The following SENP6 variants were observed in gnomAD, a reference collection of about 807,000 sequenced individuals.
SENP6 encodes sentrin-specific protease 6.
Under a neutral mutation model 134.5 loss-of-function variants are expected in SENP6, and 41 were observed. That is an observed-to-expected ratio of 0.30 (90% CI 0.24 to 0.40). SENP6 has a LOEUF of 0.40. SENP6 is among the 10% of genes least tolerant of loss of function. The pLI, the probability that SENP6 is intolerant of heterozygous loss-of-function variation, is 1.00. For synonymous variants in SENP6, 395 were observed against 429.8 expected (o/e 0.92, Z 1.00); for missense variants, 1,248 against 1,312.5 (o/e 0.95, Z 0.76).
At chr6:75,654,192 C>T (rs759150732) in intron 7 of SENP6, among the ~76,000 whole-genome samples, 1 of 152,204 alleles carries the variant, frequency 6.6e-6, no homozygotes, top group Non-Finnish European at 1.5e-5. Flanking sequence ...GCACTGTGAT[C>T]ACGCCTCTGC....
intron 1 of SENP6, chr6:75,620,656 G>A (rs866526578): frequency 2.0e-5 from 3 of 152,226 alleles, no homozygotes; most frequent in South Asian, 2.1e-4. Context: ...TGACCATGGG[G>A]TGGATGTACT....
chr6:75,659,505 A>G (rs1771613499), intron 8 of SENP6, 98 bp downstream of exon 8: 2 of 1,143,046 alleles, frequency 1.7e-6, no homozygotes, highest in Admixed American at 2.9e-5. Context: ...TTATCATAGG[A>G]CCAGAAGAGA....
In SENP6 at chr6:75,652,696, A is replaced by AAAAAAAAAG. The variant is rs796549538; in HGVS notation, c.550+4902_550+4903insAGAAAAAAA. 2.7e-5 allele frequency among the ~76,000 whole-genome samples: 4 copies of AAAAAAAAAG among 148,818 alleles called. No homozygotes were observed. The East Asian group carries it at 8.4e-4, about 31-fold the overall frequency. On this transcript the variant is annotated intron_variant, in intron 7 of 23. Coordinates refer to ENST00000447266, the MANE Select transcript of SENP6 (RefSeq NM_015571.4). Reference sequence around the variant, plus strand: ...TACTAAAAATCTCAAAAAAAAAAAAAAAAAAAAGAAAAAGAAAAAAAATGC... The same window carrying AAAAAAAAAG: ...TACTAAAAATCTCAAAAAAAAAAAAAAAAAAAAAGAAAAAAAGAAAAAGAAAAAAAATGC...
chr6:75,698,932 A>C (rs1232007279), intron 18 of SENP6, among the ~76,000 whole-genome samples: 1 of 151,400 alleles, frequency 6.6e-6, no homozygotes, highest in Admixed American at 6.6e-5. Flanking sequence ...GATCGCCTGA[A>C]CCCGGGAGGC....
intron 3 of SENP6, among the ~76,000 whole-genome samples, chr6:75,625,305 G>C (rs1043764145): frequency 6.6e-6 from 1 of 151,420 alleles, no homozygotes; most frequent in African/African-American, 2.4e-5. Flanking sequence ...ATTAGAGACC[G>C]GGTTTCACCA....
At chr6:75,602,642 C>G in intron 1 of SENP6, 66 bp downstream of exon 1, 1 of 1,481,020 alleles carries the variant, frequency 6.8e-7, no homozygotes, top group Non-Finnish European at 9.2e-7. Flanking sequence ...CCCCCAGAAC[C>G]CCGGATATTC....
intron 16 of SENP6, among the ~76,000 whole-genome samples, chr6:75,680,610 AC>A (rs1469486757): frequency 6.6e-6 from 1 of 152,194 alleles, no homozygotes; most frequent in Non-Finnish European, 1.5e-5. Context: ...CTCAGTGTTA[AC>A]AATATAGCAG....
At chr6:75,694,775 C>T (rs1435728418) in intron 16 of SENP6, among the ~76,000 whole-genome samples, 1 of 151,968 alleles carries the variant, frequency 6.6e-6, no homozygotes, top group African/African-American at 2.4e-5. Context: ...TTCCATTTGT[C>T]AGTTGGTTAG....
chr6:75,626,900 C>T (rs747270439), intron 3 of SENP6, among the ~76,000 whole-genome samples: 2 of 151,704 alleles, frequency 1.3e-5, no homozygotes, highest in Non-Finnish European at 1.5e-5. Flanking sequence ...CTTTTTTTTC[C>T]GTCTTTCTGG....
rs1027658179 is a variant in SENP6, at chr6:75,602,462, C to G, written c.-63C>G. ...ACCCTCCTCCGGCGCGGCCCCTCAT[C>G]CCGGCGAGCACGGCGGCGGTGTGGG... On this transcript the variant is annotated 5_prime_UTR_variant, in exon 1 of 24. In the 5' UTR this introduces an upstream ATG that the reference lacks. Coordinates refer to ENST00000447266, the MANE Select transcript of SENP6 (RefSeq NM_015571.4). The G allele has an allele frequency of 5.2e-6, 8 of 1,541,406 alleles. No homozygotes were observed. Among genetic ancestry groups the G allele is most frequent in the Non-Finnish European group, 5.3e-6 (6 of 1,140,124 alleles).
Position 75,640,722 on chromosome 6 carries a change from G to T in SENP6, c.479+18G>T. 1 of 1,456,106 alleles carries T rather than the reference G, an allele frequency of 6.9e-7. No individual in the cohort carries two copies. The highest frequency in any genetic ancestry group is 9.3e-7 in the Non-Finnish European group (1 of 1,078,476). 90.2% of individuals were successfully genotyped at this position (1,456,106 alleles called of 1,614,324 possible). Reference sequence around the variant, plus strand: ...AAAGAAAGGTAAGCTTAATATTGAAGAAATTAGAGCATGGATATAGTGGTA... The same window carrying T: ...AAAGAAAGGTAAGCTTAATATTGAATAAATTAGAGCATGGATATAGTGGTA... On this transcript the variant is annotated intron_variant, in intron 6 of 23. Coordinates refer to ENST00000447266, the MANE Select transcript of SENP6 (RefSeq NM_015571.4).
chr6:75,620,319 C>G (rs921304744), intron 1 of SENP6, among the ~76,000 whole-genome samples: 3 of 152,036 alleles, frequency 2.0e-5, no homozygotes, highest in Non-Finnish European at 4.4e-5. Context: ...TTCATTCGGG[C>G]TGCTGTATTG....
chr6:75,618,143 A>T (rs1767998740), intron 1 of SENP6, among the ~76,000 whole-genome samples: 1 of 152,166 alleles, frequency 6.6e-6, no homozygotes, highest in Admixed American at 6.5e-5. Context: ...GACGTAAGTT[A>T]CCAAGTTGAG....
chr6:75,696,633 C>A (rs974126121), intron 17 of SENP6, among the ~76,000 whole-genome samples: 1 of 152,102 alleles, frequency 6.6e-6, no homozygotes, highest in Admixed American at 6.6e-5. Flanking sequence ...CACGCCACTC[C>A]ACCCAGCTAA....
In SENP6 at chr6:75,677,125, A is replaced by C; in HGVS notation, c.1717A>C (p.Lys573Gln). 1 of 1,610,530 alleles carries C rather than the reference A, an allele frequency of 6.2e-7. No individual in the cohort carries two copies. The highest frequency in any genetic ancestry group is 8.5e-7 in the Non-Finnish European group (1 of 1,177,338). ...FESIINEIGI[K>Q]NNISNFFAKI... is the part of the protein sequence containing the mutation. ...AAGTATCATTAATGAAATTGGTATA[A>C]AGAATAACATCTCCAATTTTTTTGC... The change falls in exon 14 of 24, where the codon AAG becomes CAG. Residue 573 changes from lysine to glutamine, a missense_variant. This residue lies in a region of SENP6 where 733 missense variants were observed against 725.4 expected (regional missense o/e 1.01). Coordinates refer to ENST00000447266, the MANE Select transcript of SENP6 (RefSeq NM_015571.4).
rs1233153043 is a variant in SENP6 at position 75,653,251 on chromosome 6, G to A, written c.550+5450G>A. ...TCTCCATGTTGGTCAGTCTGGTCTC[G>A]AACTCCCAACCTGAGGTGATCCCCC... On this transcript the variant is annotated intron_variant, in intron 7 of 23. Coordinates refer to ENST00000447266, the MANE Select transcript of SENP6 (RefSeq NM_015571.4). Among the ~76,000 whole-genome samples the A allele has an allele frequency of 3.3e-5, 5 of 152,132 alleles. No homozygotes were observed. The East Asian group carries it at 7.7e-4, about 24-fold the overall frequency.
At chr6:75,709,662 T>C in intron 20 of SENP6, 32 bp downstream of exon 20, 2 of 1,511,078 alleles carry the variant, frequency 1.3e-6, no homozygotes, top group Admixed American at 3.3e-5. Context: ...AAAGTTCTAA[T>C]GTTTTATCTA....
At chr6:75,615,220 G>A (rs945912343) in intron 1 of SENP6, among the ~76,000 whole-genome samples, 9 of 151,740 alleles carry the variant, frequency 5.9e-5, no homozygotes, top group South Asian at 2.1e-4. Flanking sequence ...TTGCTGTGTC[G>A]CGCAGGCTGA....
rs189920160 is a variant in SENP6 at position 75,603,047 on chromosome 6, A to G, written c.52+471A>G. Among the ~76,000 whole-genome samples, 700 of 152,322 alleles carry G rather than the reference A, an allele frequency of 4.6e-3. 5 individuals are homozygous for G. Among genetic ancestry groups the G allele is most frequent in the African/African-American group, 0.016 (648 of 41,562 alleles). ...CCTCTGGTCTGTTTCTCAGAGTTTCAGGCTTGCTTTTGCAGCCAGCCTTCA... is the reference window on the plus strand; with the variant it reads ...CCTCTGGTCTGTTTCTCAGAGTTTCGGGCTTGCTTTTGCAGCCAGCCTTCA... On this transcript the variant is annotated intron_variant, in intron 1 of 23. Coordinates refer to ENST00000447266, the MANE Select transcript of SENP6 (RefSeq NM_015571.4).
Sources: allele counts gnomAD v4.1 joint callset (sites outside exome capture counted in the v4.1 genomes callset), GRCh38; gene constraint gnomAD v4.1.1; regional missense constraint gnomAD v4.1.1; transcripts MANE v1.5; gene names NCBI Gene and HGNC (gene_info 2026-07-23, HGNC 2026-07-21).